Variants in CXXC4 observed in about 807,000 individuals in gnomAD.
The protein encoded by CXXC4 is CXXC finger protein 4, also known as CXXC-type zinc finger protein 4.
Under a neutral mutation model 20.5 loss-of-function variants are expected in CXXC4, and 5 were observed. The observed-to-expected ratio is 0.24, with a 90% CI of 0.13 to 0.51. CXXC4 has a LOEUF of 0.51. CXXC4 is among the 20% of genes least tolerant of loss of function. CXXC4 has a pLI of 0.97. For missense variants in CXXC4, 419 were observed against 496.4 expected (o/e 0.84, Z 1.48); for synonymous variants, 250 against 216.4 (o/e 1.16, Z -1.36).
Position 104,471,189 on chromosome 4 carries a change from A to G in CXXC4, c.*1133T>C, listed in dbSNP as rs536379484. 6.6e-6 allele frequency: 1 copy of G among 152,094 alleles called. No homozygotes were observed. The highest frequency in any genetic ancestry group is 2.4e-5 in the African/African-American group (1 of 41,442). 9.4% of individuals were successfully genotyped at this position (152,094 alleles called of 1,614,324 possible). Reference sequence around the variant, plus strand: ...GTTTAATTCTTTGTAAATTAAAAATATATCAAGCCCTGCCTCAAGGCAGAA... The same window carrying G: ...GTTTAATTCTTTGTAAATTAAAAATGTATCAAGCCCTGCCTCAAGGCAGAA... On this transcript the variant is annotated 3_prime_UTR_variant, in exon 3 of 3. Coordinates refer to ENST00000394767, the MANE Select transcript of CXXC4 (RefSeq NM_025212.4).
intron 2 of CXXC4, among the ~76,000 whole-genome samples, chr4:104,472,923 T>C (rs564370248): frequency 6.6e-4 from 100 of 152,070 alleles, no homozygotes; most frequent in African/African-American, 2.4e-3. Context: ...GTCTTAAACA[T>C]GAGTGAGACA....
At position 104,482,844 on chromosome 4, in the gene CXXC4, C is replaced by T. The variant is rs150961892; in HGVS notation, c.1059+7900G>A. ...TTTCTCTTTTCATCCTACTTGATCC[C>T]TATCATTATAGTATTATCAATAATC... On this transcript the variant is annotated intron_variant, in intron 2 of 2. Transcript: ENST00000394767. Among the ~76,000 whole-genome samples, 406 of 152,120 alleles carry T rather than the reference C, an allele frequency of 2.7e-3. 3 individuals carry two copies. Among genetic ancestry groups the T allele is most frequent in the African/African-American group, 9.5e-3 (393 of 41,546 alleles).
In CXXC4 at chr4:104,472,352, G is replaced by A. The variant is rs757022413; in HGVS notation, c.1074C>T (p.Pro358=). ...PGTSLERTPV[P]SAEAFRWFF is the part of the protein sequence containing the mutation. ...AGAACCATCGGAATGCTTCAGCGCT[G>A]GGAACAGGTGTTCTCTATAAAAAAA... Residue 358 remains proline (P), a synonymous_variant, in exon 3 of 3, where the codon CCC becomes CCT. Coordinates refer to ENST00000394767, the MANE Select transcript of CXXC4 (RefSeq NM_025212.4). 6.2e-7 allele frequency: 1 copy of A among 1,602,626 alleles called. No individual in the cohort carries two copies. The highest frequency in any genetic ancestry group is 8.5e-7 in the Non-Finnish European group (1 of 1,173,772).
chr4:104,492,859 G>C (rs1314931058), intron 1 of CXXC4, among the ~76,000 whole-genome samples: 1 of 152,096 alleles, frequency 6.6e-6, no homozygotes, highest in Non-Finnish European at 1.5e-5. Flanking sequence ...AGATAAGCCA[G>C]ATAATTACAT....
At chr4:104,486,717 A>AT (rs1229977286) in intron 2 of CXXC4, among the ~76,000 whole-genome samples, 4 of 152,034 alleles carry the variant, frequency 2.6e-5, no homozygotes, top group African/African-American at 9.7e-5. Context: ...TTATCCATAG[A>AT]TTTTTTTGTC....
intron 2 of CXXC4, among the ~76,000 whole-genome samples, chr4:104,473,499 T>G (rs895706053): frequency 5.9e-5 from 9 of 152,014 alleles, no homozygotes; most frequent in Non-Finnish European, 1.0e-4. Flanking sequence ...TAATTCCTCA[T>G]GCCATATCCT....
chr4:104,488,083 A>T (rs143101562), intron 2 of CXXC4, among the ~76,000 whole-genome samples: 4 of 152,202 alleles, frequency 2.6e-5, no homozygotes, highest in Non-Finnish European at 5.9e-5. Context: ...AATATATGTT[A>T]TTATTATGAT....
chr4:104,488,334 A>G (rs944721119), intron 2 of CXXC4, among the ~76,000 whole-genome samples: 1 of 152,214 alleles, frequency 6.6e-6, no homozygotes, highest in Non-Finnish European at 1.5e-5. Context: ...TCAGTCATGT[A>G]AGCCCTGTCA....
intron 2 of CXXC4, among the ~76,000 whole-genome samples, chr4:104,477,571 T>A (rs181080522): frequency 1.2e-4 from 18 of 147,830 alleles, no homozygotes; most frequent in Admixed American, 1.1e-3. Flanking sequence ...CTTTTGTAAA[T>A]GATAGGTTTT....
chr4:104,492,083 A>C, intron 1 of CXXC4, 24 bp from the exon 2 acceptor site: 1 of 280,476 alleles, frequency 3.6e-6, no homozygotes. Flanking sequence ...AGTCATTCCA[A>C]CGAGCTGCAC....
At chr4:104,492,356 C>T (rs1460313703) in intron 1 of CXXC4, among the ~76,000 whole-genome samples, 2 of 151,336 alleles carry the variant, frequency 1.3e-5, no homozygotes, top group Admixed American at 6.6e-5. Context: ...GGGTGACAAA[C>T]GCCTAAGGAA....
intron 2 of CXXC4, among the ~76,000 whole-genome samples, chr4:104,480,557 G>T (rs11940318): frequency 0.2 from 30,745 of 151,618 alleles, 9,447 homozygotes; most frequent in African/African-American, 0.67. Flanking sequence ...TTAAAAATAT[G>T]TTTTTAAAAA....
chr4:104,482,132 T>C (rs1459617759), intron 2 of CXXC4, among the ~76,000 whole-genome samples: 2 of 152,210 alleles, frequency 1.3e-5, no homozygotes, highest in South Asian at 2.1e-4. Flanking sequence ...GATAAACTCA[T>C]ATATTTTTCT....
intron 2 of CXXC4, among the ~76,000 whole-genome samples, chr4:104,479,775 C>T (rs1736507307): frequency 1.4e-5 from 2 of 146,556 alleles, no homozygotes. Context: ...CCTTCCTTCC[C>T]TCCCTCCCTC....
At position 104,490,759 on chromosome 4, in the gene CXXC4, A is replaced by G. The variant is rs1374705610; in HGVS notation, c.1044T>C (p.Pro348=). The G allele has an allele frequency of 1.9e-6, 3 of 1,613,394 alleles. No homozygotes were observed. The highest frequency in any genetic ancestry group is 2.5e-6 in the Non-Finnish European group (3 of 1,179,680). ...CTCCTCTGACCTCTAGTGAAGTGCC[A>G]GGTTTTTTCTTTAGCTCTTCACATT... ...FRKCEELKKK[P]GTSLERTPVP... The change falls in exon 2 of 3, where the codon CCT becomes CCC. Residue 348 remains proline (P), a synonymous_variant. Coordinates refer to ENST00000394767, the MANE Select transcript of CXXC4 (RefSeq NM_025212.4).
rs1264924440 is a variant in CXXC4, at chr4:104,491,708, A to T, written c.95T>A (p.Leu32His). 1 of 1,545,750 alleles carries T rather than the reference A, an allele frequency of 6.5e-7. No homozygotes were observed. Reference sequence around the variant, plus strand: ...CTCCATTTCCGAGTTGTAATCCACAAGGCTGTTCAGAGCCCCCTCGGGCAA... The same window carrying T: ...CTCCATTTCCGAGTTGTAATCCACATGGCTGTTCAGAGCCCCCTCGGGCAA... ...SHLPEGALNS[L>H]VDYNSEMERY... Residue 32 changes from leucine to histidine, a missense_variant, in exon 2 of 3, where the codon CTT (leucine) becomes CAT (histidine). Coordinates refer to ENST00000394767, the MANE Select transcript of CXXC4 (RefSeq NM_025212.4).
In CXXC4 at chr4:104,491,443, G is replaced by GCCGCCGCCACCCCCC. The variant is rs1419909716; in HGVS notation, c.345_359dup (p.Gly130_Gly134dup). The GCCGCCGCCACCCCCC allele has an allele frequency of 4.0e-6, 4 of 989,830 alleles. No individual in the cohort carries two copies. Among genetic ancestry groups the GCCGCCGCCACCCCCC allele is most frequent in the Non-Finnish European group, 5.0e-6 (4 of 800,220 alleles). 61.3% of individuals were successfully genotyped at this position (989,830 alleles called of 1,614,324 possible). ...CGCCCCCGCCTCCGCCGCCGCCGCCGCCGCCGCCACCCCCCCCGCCGCCGC... is the reference window on the plus strand; with the variant it reads ...CGCCCCCGCCTCCGCCGCCGCCGCCGCCGCCGCCACCCCCCCCGCCGCCACCCCCCCCGCCGCCGC... On this transcript the variant is annotated inframe_insertion, in exon 2 of 3. Coordinates refer to ENST00000394767, the MANE Select transcript of CXXC4 (RefSeq NM_025212.4).
At position 104,478,761 on chromosome 4, in the gene CXXC4, T is replaced by C. The variant is rs961986477; in HGVS notation, c.1060-6395A>G. ...AATTCACAAATTTAAAAGGTATTTA[T>C]CAAAGCAATGTTATATACTTAACCT... On this transcript the variant is annotated intron_variant, in intron 2 of 2. Coordinates refer to ENST00000394767, the MANE Select transcript of CXXC4 (RefSeq NM_025212.4). 7.9e-5 allele frequency among the ~76,000 whole-genome samples: 12 copies of C among 152,120 alleles called. No individual in the cohort carries two copies. In the East Asian group the frequency reaches 1.4e-3, roughly 17 times the overall value.
chr4:104,473,575 G>A (rs2110269705), intron 2 of CXXC4, among the ~76,000 whole-genome samples: 1 of 151,908 alleles, frequency 6.6e-6, no homozygotes, highest in Non-Finnish European at 1.5e-5. Flanking sequence ...AGGTATGCAA[G>A]AAACAACAAG....
Sources: allele counts gnomAD v4.1 joint callset (sites outside exome capture counted in the v4.1 genomes callset), GRCh38; gene constraint gnomAD v4.1.1; transcripts MANE v1.5; gene names NCBI Gene and HGNC (gene_info 2026-07-23, HGNC 2026-07-21).